Variants in RPRD1B observed in about 807,000 individuals in gnomAD.
The protein encoded by RPRD1B is regulation of nuclear pre-mRNA domain containing 1B, also known as regulation of nuclear pre-mRNA domain-containing protein 1B.
Under a neutral mutation model 41.5 loss-of-function variants are expected in RPRD1B, and 11 were observed. That is an observed-to-expected ratio of 0.27 (90% CI 0.17 to 0.44). RPRD1B has a LOEUF of 0.44. Ranked by LOEUF, RPRD1B falls within the 20% of genes least tolerant of loss-of-function variation. The probability of loss-of-function intolerance (pLI) is 1.00; values close to 1 mark genes in which losing one functional copy is unlikely to be tolerated. For synonymous variants in RPRD1B, 158 were observed against 155.6 expected, an observed-to-expected ratio of 1.02 and a Z score of -0.12; for missense variants, 248 against 389.9, an observed-to-expected ratio of 0.64 and a Z score of 3.06.
chr20:38,084,703 A>G (rs1276997813), intron 6 of RPRD1B, among the ~76,000 whole-genome samples: 3 of 152,194 alleles, frequency 2.0e-5, no homozygotes, highest in Non-Finnish European at 4.4e-5. Flanking sequence ...AGCTGGATCC[A>G]CAGGAAGCAG....
intron 6 of RPRD1B, among the ~76,000 whole-genome samples, chr20:38,076,080 A>G (rs1203456629): frequency 6.6e-6 from 1 of 152,320 alleles, no homozygotes; most frequent in East Asian, 1.9e-4. Flanking sequence ...GACAAATCCT[A>G]CTTTTACTCA....
chr20:38,087,310 G>A (rs2074571170), intron 6 of RPRD1B, among the ~76,000 whole-genome samples: 1 of 152,204 alleles, frequency 6.6e-6, no homozygotes, highest in Admixed American at 6.5e-5. Flanking sequence ...TTGAACTTAA[G>A]GTGGTGTCTA....
Position 38,040,419 on chromosome 20 carries a change from C to G in RPRD1B, c.152-16C>G. On this transcript the variant is annotated splice_polypyrimidine_tract_variant and intron_variant, in intron 1 of 6. Transcript: ENST00000373433. ...TCTTTGGTGTAAGTTAAATTCTTTT[C>G]TTTTCTTTTTTTCAGCCAAATCAAA... 6.4e-7 allele frequency: 1 copy of G among 1,570,640 alleles called. No homozygotes were observed. Among genetic ancestry groups the G allele is most frequent in the Non-Finnish European group, 8.6e-7 (1 of 1,163,430 alleles).
At chr20:38,048,680 C>T (rs1018113628) in intron 3 of RPRD1B, 199 bp downstream of exon 3, 1 of 758,606 alleles carries the variant, frequency 1.3e-6, no homozygotes, top group African/African-American at 1.9e-5. Context: ...GCTATTCATC[C>T]TCTCACACCC....
chr20:38,055,737 G>A (rs973524881), intron 3 of RPRD1B, among the ~76,000 whole-genome samples: 1 of 152,052 alleles, frequency 6.6e-6, no homozygotes, highest in African/African-American at 2.4e-5. Flanking sequence ...ATAAAATGTC[G>A]TGGGTGTTAT....
intron 6 of RPRD1B, among the ~76,000 whole-genome samples, chr20:38,087,590 T>C (rs565013438): frequency 2.6e-5 from 4 of 152,308 alleles, no homozygotes; most frequent in African/African-American, 9.6e-5. Context: ...GTTGTTTTGT[T>C]ATTTTACCCT....
At chr20:38,068,826 A>G (rs539321308) in intron 6 of RPRD1B, among the ~76,000 whole-genome samples, 84 of 152,300 alleles carry the variant, frequency 5.5e-4, no homozygotes, top group African/African-American at 1.9e-3. Flanking sequence ...ATGCCCCTTG[A>G]AAGATGCGTG....
chr20:38,079,517 T>C (rs2074494900), intron 6 of RPRD1B, among the ~76,000 whole-genome samples: 2 of 152,168 alleles, frequency 1.3e-5, no homozygotes, highest in Admixed American at 6.5e-5. Flanking sequence ...ATGCGGTATT[T>C]GGTTTGCCTC....
intron 6 of RPRD1B, among the ~76,000 whole-genome samples, chr20:38,078,759 A>G (rs2074487672): frequency 6.6e-6 from 1 of 152,172 alleles, no homozygotes; most frequent in Admixed American, 6.5e-5. Context: ...CTATAGCTTG[A>G]TGGACTGACT....
intron 2 of RPRD1B, among the ~76,000 whole-genome samples, chr20:38,043,788 A>G (rs2074093022): frequency 6.6e-6 from 1 of 152,166 alleles, no homozygotes; most frequent in Non-Finnish European, 1.5e-5. Context: ...GATGTAAGGA[A>G]TGACTGATGG....
intron 6 of RPRD1B, among the ~76,000 whole-genome samples, chr20:38,086,893 C>G (rs935558032): frequency 2.0e-5 from 3 of 152,118 alleles, no homozygotes; most frequent in African/African-American, 7.2e-5. Context: ...ATCCCCCGTA[C>G]CCCACCCTAT....
At chr20:38,050,018 A>T (rs1397710964) in intron 3 of RPRD1B, among the ~76,000 whole-genome samples, 1 of 152,104 alleles carries the variant, frequency 6.6e-6, no homozygotes, top group Non-Finnish European at 1.5e-5. Flanking sequence ...TGTGTGATGA[A>T]CTCATTCTCC....
At chr20:38,070,728 C>G in intron 6 of RPRD1B, 2 of 954,890 alleles carry the variant, frequency 2.1e-6, no homozygotes, top group Non-Finnish European at 2.5e-6. Context: ...GTTTTCCCTT[C>G]TTAACTGTGA....
rs1343180934 is a variant in RPRD1B at position 38,091,379 on chromosome 20, G to A, written c.*1504G>A. 3 of 985,220 alleles carry A rather than the reference G, an allele frequency of 3.0e-6. No homozygotes were observed. Among genetic ancestry groups the A allele is most frequent in the Non-Finnish European group, 3.6e-6 (3 of 829,880 alleles). 61.0% of individuals were successfully genotyped at this position (985,220 alleles called of 1,614,324 possible). On this transcript the variant is annotated 3_prime_UTR_variant, in exon 7 of 7. Transcript: ENST00000373433. ...GGGCTTCCCTTCCAGAAGCTCTCCT[G>A]CTTGTCATGAAGTGAGAACAATGAA...
chr20:38,071,100 C>A (rs1317500306), intron 6 of RPRD1B, among the ~76,000 whole-genome samples: 1 of 152,156 alleles, frequency 6.6e-6, no homozygotes, highest in Non-Finnish European at 1.5e-5. Context: ...GCAGATAGTC[C>A]TGTGTTGACC....
chr20:38,045,111 G>C (rs1363942500), intron 2 of RPRD1B, among the ~76,000 whole-genome samples: 2 of 152,112 alleles, frequency 1.3e-5, no homozygotes, highest in East Asian at 1.9e-4. Flanking sequence ...TATCTGTATT[G>C]AAAAATAAAG....
intron 3 of RPRD1B, among the ~76,000 whole-genome samples, chr20:38,048,889 A>C (rs1006770899): frequency 2.0e-5 from 3 of 152,124 alleles, no homozygotes; most frequent in Non-Finnish European, 4.4e-5. Context: ...GATTTAATTA[A>C]ATGTAGATGT....
chr20:38,072,609 C>T (rs1357465010), intron 6 of RPRD1B, among the ~76,000 whole-genome samples: 1 of 152,036 alleles, frequency 6.6e-6, no homozygotes, highest in Non-Finnish European at 1.5e-5. Flanking sequence ...GGGAGTATTG[C>T]GATTTTAGCA....
intron 1 of RPRD1B, among the ~76,000 whole-genome samples, chr20:38,038,461 C>A (rs1240403405): frequency 6.6e-6 from 1 of 150,432 alleles, no homozygotes; most frequent in Non-Finnish European, 1.5e-5. Context: ...AGGCGCCTGG[C>A]ACCACGCCCG....
Sources: gnomAD v4.1 joint callset for allele counts (sites outside exome capture counted in the v4.1 genomes callset) on GRCh38, gnomAD v4.1.1 for gene constraint, MANE v1.5 for transcripts, NCBI Gene and HGNC (gene_info 2026-07-23, HGNC 2026-07-21) for gene names.